KL: variants seen among roughly 807,000 people sequenced by gnomAD.
The protein encoded by KL is klotho, also known as alpha-klotho.
Under a neutral mutation model 84.2 loss-of-function variants are expected in KL, and 62 were observed. The ratio of observed to expected loss-of-function variants is 0.74; its 90% confidence interval spans 0.60 to 0.91. KL has a LOEUF of 0.91. Among genes scored for constraint, KL ranks in the 40% least tolerant of loss-of-function variants. The pLI, the probability that KL is intolerant of heterozygous loss-of-function variation, is 0.00. For synonymous variants in KL, 528 were observed against 528.0 expected (o/e 1.00, Z 0.00); for missense variants, 1,261 against 1,305.7 (o/e 0.97, Z 0.53).
intron 1 of KL, among the ~76,000 whole-genome samples, chr13:33,039,050 A>C (rs889371938): frequency 3.0e-4 from 45 of 152,196 alleles, no homozygotes; most frequent in African/African-American, 1.1e-3. Flanking sequence ...AAATCCTTTA[A>C]AATCCTGTCT....
intron 1 of KL, among the ~76,000 whole-genome samples, chr13:33,020,135 G>C (rs1870521875): frequency 6.6e-6 from 1 of 152,162 alleles, no homozygotes; most frequent in Non-Finnish European, 1.5e-5. Flanking sequence ...CTGTGAAAAA[G>C]ACTTCTTTCA....
intron 3 of KL, among the ~76,000 whole-genome samples, chr13:33,060,197 G>A (rs767752303): frequency 4.6e-5 from 7 of 151,908 alleles, no homozygotes; most frequent in African/African-American, 1.7e-4. Context: ...CTCCCGCCTC[G>A]GCCTCTCAAA....
rs200295310 is a variant in KL, at chr13:33,064,142, C to T, written c.2995C>T (p.Leu999Phe). 6.2e-7 allele frequency: 1 copy of T among 1,612,708 alleles called. No individual in the cohort carries two copies. ...TTTTGCTTCTATTATTTCTCTCTCC[C>T]TTATATTTTACTACTCGAAGAAAGG... ...LFFASIISLS[L>F]IFYYSKKGRR... is the part of the protein sequence containing the mutation. The change falls in exon 5 of 5, where the codon CTT becomes TTT. Residue 999 changes from leucine (L) to phenylalanine (F), a missense_variant. Transcript: ENST00000380099.
At chr13:33,037,242 A>G (rs555662643) in intron 1 of KL, among the ~76,000 whole-genome samples, 2 of 152,190 alleles carry the variant, frequency 1.3e-5, no homozygotes, top group Non-Finnish European at 2.9e-5. Flanking sequence ...CCAACATATA[A>G]TAGGTGTTGG....
chr13:33,021,575 T>G (rs1870576161), intron 1 of KL, among the ~76,000 whole-genome samples: 1 of 152,130 alleles, frequency 6.6e-6, no homozygotes, highest in African/African-American at 2.4e-5. Flanking sequence ...ACTTTACAAG[T>G]TTTTCTTTCA....
At chr13:33,033,558 G>T (rs1871049651) in intron 1 of KL, among the ~76,000 whole-genome samples, 1 of 152,066 alleles carries the variant, frequency 6.6e-6, no homozygotes, top group Admixed American at 6.5e-5. Context: ...CTGCCTGGAA[G>T]GTTCTTCCCA....
intron 3 of KL, among the ~76,000 whole-genome samples, chr13:33,058,049 A>G (rs1192249271): frequency 6.6e-6 from 1 of 152,118 alleles, no homozygotes; most frequent in Non-Finnish European, 1.5e-5. Context: ...ATTCACATGG[A>G]TTGTCACTTT....
intron 1 of KL, among the ~76,000 whole-genome samples, chr13:33,021,317 G>A (rs553357910): frequency 2.0e-5 from 3 of 152,236 alleles, no homozygotes; most frequent in East Asian, 1.9e-4. Flanking sequence ...AAAATTTAAG[G>A]TTCATCATCA....
At chr13:33,024,581 G>A (rs1421195076) in intron 1 of KL, among the ~76,000 whole-genome samples, 1 of 152,226 alleles carries the variant, frequency 6.6e-6, no homozygotes, top group Non-Finnish European at 1.5e-5. Context: ...TTTCGTGAGG[G>A]TCCAGAGGAC....
intron 1 of KL, among the ~76,000 whole-genome samples, chr13:33,049,061 C>T (rs1280990508): frequency 6.6e-6 from 1 of 152,132 alleles, no homozygotes; most frequent in East Asian, 1.9e-4. Flanking sequence ...GAGGGCATCA[C>T]ATACGAGAGA....
Position 33,062,681 on chromosome 13 carries a change from A to G in KL, c.2701+901A>G, listed in dbSNP as rs141187497. Among the ~76,000 whole-genome samples the G allele has an allele frequency of 9.9e-3, 1,497 of 151,106 alleles. 32 individuals are homozygous for G. Among genetic ancestry groups the G allele is most frequent in the African/African-American group, 0.034 (1,394 of 41,012 alleles). On this transcript the variant is annotated intron_variant, in intron 4 of 4. Coordinates refer to ENST00000380099, the MANE Select transcript of KL (RefSeq NM_004795.4). Reference sequence around the variant, plus strand: ...GAGCAAGACTCCATCTCAAAAAAAAAAAAAAAAAAAAAAGGATTTAACCCA... The same window carrying G: ...GAGCAAGACTCCATCTCAAAAAAAAGAAAAAAAAAAAAAGGATTTAACCCA...
chr13:33,030,080 G>A (rs1593792987), intron 1 of KL, among the ~76,000 whole-genome samples: 1 of 152,046 alleles, frequency 6.6e-6, no homozygotes, highest in East Asian at 1.9e-4. Context: ...ACAAAAGGAG[G>A]CTGAACTCAT....
chr13:33,045,763 G>T (rs1485377005), intron 1 of KL, among the ~76,000 whole-genome samples: 2 of 152,158 alleles, frequency 1.3e-5, no homozygotes, highest in Non-Finnish European at 2.9e-5. Context: ...ACAGGCATGA[G>T]CCACCACGCC....
intron 1 of KL, among the ~76,000 whole-genome samples, chr13:33,040,613 A>G (rs1220456683): frequency 2.0e-5 from 3 of 152,198 alleles, no homozygotes; most frequent in African/African-American, 7.2e-5. Context: ...GATTATTTGT[A>G]GGATTAAATT....
At position 33,061,623 on chromosome 13, in the gene KL, G is replaced by T. The variant is rs765311714; in HGVS notation, c.2544G>T (p.Val848=). ...ACTCCCCCAGTCAGGTGGCGGTAGT[G>T]CCCTGGGGGTTGCGCAAAGTGCTGA... ...WLNSPSQVAV[V]PWGLRKVLNW... is the part of the protein sequence containing the mutation. Residue 848 remains valine, a synonymous_variant, in exon 4 of 5, where the codon GTG becomes GTT. Transcript: ENST00000380099. The T allele has an allele frequency of 6.2e-7, 1 of 1,614,194 alleles. No homozygotes were observed. Among genetic ancestry groups the T allele is most frequent in the Non-Finnish European group, 8.5e-7 (1 of 1,180,034 alleles).
chr13:33,058,950 G>GT (rs1872070634), intron 3 of KL, among the ~76,000 whole-genome samples: 1 of 152,162 alleles, frequency 6.6e-6, no homozygotes, highest in Non-Finnish European at 1.5e-5. Flanking sequence ...GCATGTGTGG[G>GT]TGTTCTGCAA....
chr13:33,047,568 T>C (rs1871584101), intron 1 of KL, among the ~76,000 whole-genome samples: 1 of 152,178 alleles, frequency 6.6e-6, no homozygotes, highest in Admixed American at 6.5e-5. Flanking sequence ...GACCTCGTGA[T>C]CCACCTGCCT....
chr13:33,040,622 T>C (rs1311632918), intron 1 of KL, among the ~76,000 whole-genome samples: 3 of 152,212 alleles, frequency 2.0e-5, no homozygotes, highest in Admixed American at 2.0e-4. Context: ...TAGGATTAAA[T>C]TAATCCTTTA....
At position 33,064,716 on chromosome 13, in the gene KL, G is replaced by A; in HGVS notation, c.*530G>A. 1 of 225,952 alleles carries A rather than the reference G, an allele frequency of 4.4e-6. No individual in the cohort carries two copies. Among genetic ancestry groups the A allele is most frequent in the East Asian group, 6.5e-5 (1 of 15,484 alleles). The allele number at this position is 225,952 out of a possible 1,614,324, so 14.0% of individuals were successfully genotyped here. A position where few individuals can be genotyped will look rare whatever the true frequency, so the allele number is the denominator to read the frequency against. ...AGAGACGACAGAGGGTCCTAGGCTG[G>A]AATGTTCCTTTCGAAAGCAATGCTT... On this transcript the variant is annotated 3_prime_UTR_variant, in exon 5 of 5. Coordinates refer to ENST00000380099, the MANE Select transcript of KL (RefSeq NM_004795.4).
Sources: gnomAD v4.1 joint callset for allele counts (sites outside exome capture counted in the v4.1 genomes callset) on GRCh38, gnomAD v4.1.1 for gene constraint, MANE v1.5 for transcripts, NCBI Gene and HGNC (gene_info 2026-07-23, HGNC 2026-07-21) for gene names.